TAF3: variants seen among roughly 807,000 people sequenced by gnomAD.
TAF3 encodes the protein transcription initiation factor TFIID subunit 3.
Under a neutral mutation model 80.6 loss-of-function variants are expected in TAF3, and 7 were observed. The ratio of observed to expected loss-of-function variants is 0.09; its 90% CI spans 0.05 to 0.16. The LOEUF (loss-of-function observed/expected upper bound fraction) is 0.16, where lower values mean the gene tolerates loss of function less well. Ranked by LOEUF, TAF3 falls within the 10% of genes least tolerant of loss-of-function variation. TAF3 has a pLI of 1.00. For synonymous variants in TAF3, 444 were observed against 446.1 expected, an observed-to-expected ratio of 1.00 and a Z score of 0.06; for missense variants, 921 against 1,140.2, an observed-to-expected ratio of 0.81 and a Z score of 2.77.
chr10:7,906,786 G>C (rs995333297), intron 2 of TAF3, among the ~76,000 whole-genome samples: 8 of 150,842 alleles, frequency 5.3e-5, no homozygotes, highest in African/African-American at 1.9e-4. Context: ...AGGATCAGTT[G>C]AGCCCAGGCT....
chr10:7,961,049 C>T (rs866222438), intron 2 of TAF3, among the ~76,000 whole-genome samples: 4 of 152,098 alleles, frequency 2.6e-5, no homozygotes, highest in African/African-American at 4.8e-5. Context: ...CACCGTAAGA[C>T]GACGTGAGAG....
intron 2 of TAF3, among the ~76,000 whole-genome samples, chr10:7,922,543 T>C (rs993789949): frequency 6.6e-6 from 1 of 152,108 alleles, no homozygotes; most frequent in Non-Finnish European, 1.5e-5. Context: ...TAAGTTGTTC[T>C]TATGTTAAGT....
chr10:7,927,890 A>G (rs1465165828), intron 2 of TAF3, among the ~76,000 whole-genome samples: 1 of 152,178 alleles, frequency 6.6e-6, no homozygotes, highest in Non-Finnish European at 1.5e-5. Flanking sequence ...ATAACGGGCT[A>G]TGTTTAAAAG....
chr10:7,892,818 C>CT lies in TAF3; in HGVS notation c.409+68274dup, dbSNP rs1020623158. Among the ~76,000 whole-genome samples the CT allele has an allele frequency of 5.8e-3, 795 of 137,098 alleles. 3 individuals are homozygous for CT. Among genetic ancestry groups the CT allele is most frequent in the Non-Finnish European group, 6.5e-3 (407 of 62,674 alleles). 89.9% of individuals were successfully genotyped at this position (137,098 alleles called of 152,430 possible). A position where few individuals can be genotyped will look rare whatever the true frequency, so the allele number is the denominator to read the frequency against. The stretch of plus-strand genomic sequence containing the variant: ...TTTCAATATATTTTCTTTTCTTTTT[C>CT]TTTTTTTTTTTTTTTTGAGACGGAG... On this transcript the variant is annotated intron_variant, in intron 2 of 6. Transcript: ENST00000344293.
chr10:7,865,197 G>A (rs1202829414), intron 2 of TAF3, among the ~76,000 whole-genome samples: 1 of 152,130 alleles, frequency 6.6e-6, no homozygotes, highest in Non-Finnish European at 1.5e-5. Flanking sequence ...GCCGGGCATG[G>A]TGGCTCATGC....
At chr10:7,825,211 A>G (rs1157671353) in intron 2 of TAF3, among the ~76,000 whole-genome samples, 1 of 152,230 alleles carries the variant, frequency 6.6e-6, no homozygotes, top group African/African-American at 2.4e-5. Context: ...CAAGTACACG[A>G]TATTTTTTCT....
At chr10:7,827,761 CG>C (rs1836757134) in intron 2 of TAF3, among the ~76,000 whole-genome samples, 1 of 147,962 alleles carries the variant, frequency 6.8e-6, no homozygotes, top group South Asian at 2.1e-4. Flanking sequence ...GCCTGGGTGA[CG>C]GAGCGAGACT....
At chr10:7,918,303 G>A (rs1837731344) in intron 2 of TAF3, among the ~76,000 whole-genome samples, 1 of 152,172 alleles carries the variant, frequency 6.6e-6, no homozygotes, top group African/African-American at 2.4e-5. Context: ...CAGGGAAGAG[G>A]TGGGATTGCC....
intron 2 of TAF3, among the ~76,000 whole-genome samples, chr10:7,949,151 C>T (rs1427102805): frequency 2.0e-5 from 3 of 152,196 alleles, no homozygotes; most frequent in Non-Finnish European, 2.9e-5. Flanking sequence ...AGTGTCTGTG[C>T]GTGCACAGAT....
At chr10:7,904,602 A>G (rs1259544456) in intron 2 of TAF3, among the ~76,000 whole-genome samples, 1 of 152,218 alleles carries the variant, frequency 6.6e-6, no homozygotes, top group Non-Finnish European at 1.5e-5. Context: ...AGGAAGGGAA[A>G]GATTTGCTGA....
chr10:8,008,162 T>C (rs1025812286), intron 4 of TAF3, among the ~76,000 whole-genome samples: 20 of 146,908 alleles, frequency 1.4e-4, no homozygotes, highest in African/African-American at 4.0e-4. Flanking sequence ...AGTGGCGAGA[T>C]CTCGGCTCAC....
chr10:7,936,495 C>T (rs1035698948), intron 2 of TAF3, among the ~76,000 whole-genome samples: 4 of 150,232 alleles, frequency 2.7e-5, no homozygotes, highest in East Asian at 2.1e-4. Flanking sequence ...ACCTGAGCTG[C>T]ATCTTTTTTT....
At position 7,818,589 on chromosome 10, in the gene TAF3, T is replaced by G; in HGVS notation, c.-121T>G. 1 of 1,160,862 alleles carries G rather than the reference T, an allele frequency of 8.6e-7. No individual in the cohort carries two copies. Among genetic ancestry groups the G allele is most frequent in the Non-Finnish European group, 1.1e-6 (1 of 870,894 alleles). The allele number at this position is 1,160,862 out of a possible 1,614,324, so 71.9% of individuals were successfully genotyped here. A position where few individuals can be genotyped will look rare whatever the true frequency, so the allele number is the denominator to read the frequency against. On this transcript the variant is annotated 5_prime_UTR_variant, in exon 1 of 7. Coordinates refer to ENST00000344293, the MANE Select transcript of TAF3 (RefSeq NM_031923.4). ...GGGGCTTTGAGGTGGTCGCCGGGGG[T>G]CCGGGGGACCCTTTCCCCGCCGCGG...
At chr10:7,867,827 C>A (rs1054547734) in intron 2 of TAF3, among the ~76,000 whole-genome samples, 2 of 152,102 alleles carry the variant, frequency 1.3e-5, no homozygotes, top group African/African-American at 4.8e-5. Context: ...TTTTGACTCC[C>A]CCAAAACTTT....
chr10:7,860,035 C>A (rs1044223307), intron 2 of TAF3, among the ~76,000 whole-genome samples: 8 of 152,096 alleles, frequency 5.3e-5, no homozygotes, highest in Non-Finnish European at 7.4e-5. Flanking sequence ...GTTTGGGAGG[C>A]CAAGGTGGGC....
chr10:7,827,463 G>A (rs971935383), intron 2 of TAF3, among the ~76,000 whole-genome samples: 3 of 151,934 alleles, frequency 2.0e-5, no homozygotes, highest in Non-Finnish European at 4.4e-5. Flanking sequence ...CCTGGGCAAC[G>A]TCATGAGACC....
chr10:7,888,502 A>T (rs1451534302), intron 2 of TAF3, among the ~76,000 whole-genome samples: 1 of 130,800 alleles, frequency 7.6e-6, no homozygotes, highest in Non-Finnish European at 1.8e-5. Flanking sequence ...CAGGCATGAG[A>T]TCTTCTAAAG....
rs935325559 is a variant in TAF3, at chr10:8,015,043, C to T, written c.*292C>T. On this transcript the variant is annotated 3_prime_UTR_variant, in exon 7 of 7. Transcript: ENST00000344293. ...AGTGACAAGTATTATTAATAAAGAGCGTACATCTTCCCTTTTGATTTCCTT... is the reference window on the plus strand; with the variant it reads ...AGTGACAAGTATTATTAATAAAGAGTGTACATCTTCCCTTTTGATTTCCTT... 2.7e-5 allele frequency: 7 copies of T among 260,330 alleles called. No homozygotes were observed. Among genetic ancestry groups the T allele is most frequent in the South Asian group, 1.7e-4 (3 of 17,298 alleles). 16.1% of individuals were successfully genotyped at this position (260,330 alleles called of 1,614,324 possible). A position where few individuals can be genotyped will look rare whatever the true frequency, so the allele number is the denominator to read the frequency against.
chr10:7,903,161 A>G (rs1313011249), intron 2 of TAF3, among the ~76,000 whole-genome samples: 2 of 152,168 alleles, frequency 1.3e-5, no homozygotes, highest in Non-Finnish European at 2.9e-5. Flanking sequence ...TCGAGGCTGC[A>G]GTGAGTGGTG....
Sources: allele counts gnomAD v4.1 joint callset (sites outside exome capture counted in the v4.1 genomes callset), GRCh38; gene constraint gnomAD v4.1.1; transcripts MANE v1.5; gene names NCBI Gene and HGNC (gene_info 2026-07-23, HGNC 2026-07-21).